Variants in KICS2 observed in about 807,000 individuals in gnomAD.
The protein encoded by KICS2 is KICSTOR complex protein C12orf66.
Under a neutral mutation model 31.4 loss-of-function variants are expected in KICS2, and 13 were observed. The ratio of observed to expected loss-of-function variants is 0.41; its 90% CI spans 0.27 to 0.66. The LOEUF (loss-of-function observed/expected upper bound fraction) is 0.66. KICS2 is among the 30% of genes least tolerant of loss of function. The probability of loss-of-function intolerance (pLI) is 0.28; values close to 1 mark genes in which losing one functional copy is unlikely to be tolerated. For missense variants in KICS2, 455 were observed against 545.4 expected, an observed-to-expected ratio of 0.83 and a Z score of 1.65; for synonymous variants, 209 against 214.8, an observed-to-expected ratio of 0.97 and a Z score of 0.24.
chr12:64,197,376 A>T lies in KICS2; in HGVS notation c.522-2718T>A, dbSNP rs1199978713. Among the ~76,000 whole-genome samples, 9 of 144,662 alleles carry T rather than the reference A, an allele frequency of 6.2e-5. No homozygotes were observed. In the East Asian group the frequency reaches 8.4e-4, roughly 14 times the overall value. 94.9% of individuals were successfully genotyped at this position (144,662 alleles called of 152,430 possible). A position where few individuals can be genotyped will look rare whatever the true frequency, so the allele number is the denominator to read the frequency against. ...AGCTTCATAAGTGAAGGAGAAATAA[A>T]ATACTTTACAGACAAGCAAATGCTG... On this transcript the variant is annotated intron_variant, in intron 2 of 2. Coordinates refer to ENST00000398055, the MANE Select transcript of KICS2 (RefSeq NM_152440.5).
rs1256065778 is a variant in KICS2 at position 64,191,563 on chromosome 12, C to A, written c.*2279G>T. 6.6e-6 allele frequency: 1 copy of A among 151,954 alleles called. No individual in the cohort carries two copies. The highest frequency in any genetic ancestry group is 1.5e-5 in the Non-Finnish European group (1 of 67,998). 9.4% of individuals were successfully genotyped at this position (151,954 alleles called of 1,614,324 possible). ...TAAGAGGAAAAAAATACATGCATAC[C>A]AAGGAATATTTTTCAGTTTCTTGGC... On this transcript the variant is annotated 3_prime_UTR_variant, in exon 3 of 3. Transcript: ENST00000398055.
At position 64,194,503 on chromosome 12, in the gene KICS2, C is replaced by T; in HGVS notation, c.677G>A (p.Trp226Ter). 6.2e-7 allele frequency: 1 copy of T among 1,614,176 alleles called. No homozygotes were observed. The highest frequency in any genetic ancestry group is 8.5e-7 in the Non-Finnish European group (1 of 1,180,034). The change falls in exon 3 of 3, where the codon TGG (tryptophan) becomes TAG (stop). Residue 226 changes from tryptophan to a stop codon, truncating the protein, a stop_gained. Coordinates refer to ENST00000398055, the MANE Select transcript of KICS2 (RefSeq NM_152440.5). LOFTEE classifies it high-confidence loss of function. ...CCGCTGTTTCTCAAAGATCTGGCCC[C>T]ACGTCTGCAGTTTGGTGTGCGCACT... ...LHSAHTKLQT[W>*]GQIFEKQRET...
intron 2 of KICS2, among the ~76,000 whole-genome samples, chr12:64,202,504 T>C (rs935658150): frequency 1.3e-5 from 2 of 151,902 alleles, no homozygotes; most frequent in East Asian, 1.9e-4. Context: ...TTTCTTACTA[T>C]GTACAATGTA....
chr12:64,217,469 GA>G (rs34845366), intron 1 of KICS2, among the ~76,000 whole-genome samples: 352 of 137,866 alleles, frequency 2.6e-3, no homozygotes, highest in African/African-American at 4.7e-3. Flanking sequence ...AGCTGATGAG[GA>G]AAAAAAAAAA....
At chr12:64,189,253 T>C (rs2037361838), downstream of KICS2, among the ~76,000 whole-genome samples, 1 of 152,208 alleles carries the variant, frequency 6.6e-6, no homozygotes, top group African/African-American at 2.4e-5. Context: ...ACTAAATAGT[T>C]GGAGGTGAAT....
At position 64,222,185 on chromosome 12, in the gene KICS2, A is replaced by G; in HGVS notation, c.53T>C (p.Leu18Pro). 2.5e-6 allele frequency: 4 copies of G among 1,614,064 alleles called. No homozygotes were observed. The highest frequency in any genetic ancestry group is 3.4e-6 in the Non-Finnish European group (4 of 1,179,950). ...ACCCAGGTGAGAGAAGAACGTCTCC[A>G]GCACCGCCTGTTCCACCGGGACCGG... ...AAPVPVEQAV[L>P]ETFFSHLGIF... The change falls in exon 1 of 3, where the codon CTG becomes CCG. Residue 18 changes from leucine to proline, a missense_variant. Physicochemically the swap from Leu to Pro is moderately conservative, Grantham distance 98 (BLOSUM62 -3). Coordinates refer to ENST00000398055, the MANE Select transcript of KICS2 (RefSeq NM_152440.5).
chr12:64,211,963 T>C (rs1172334685), intron 2 of KICS2, among the ~76,000 whole-genome samples: 1 of 152,190 alleles, frequency 6.6e-6, no homozygotes, highest in African/African-American at 2.4e-5. Context: ...TTATGTATGG[T>C]TCTTAGAAGA....
In KICS2 at chr12:64,194,464, T is replaced by G; in HGVS notation, c.716A>C (p.His239Pro). Residue 239 changes from histidine (H) to proline (P), a missense_variant, in exon 3 of 3, where the codon CAT (histidine) becomes CCT (proline). By Grantham distance (77) the His-to-Pro change is moderately conservative (BLOSUM62 -2). Transcript: ENST00000398055. ...CTTCTGAGACTGCCCTCCAAACAGA[T>G]GTTTCTTGGTCTCCCGCTGTTTCTC... ...IFEKQRETKK[H>P]LFGGQSQKAV... 6.2e-7 allele frequency: 1 copy of G among 1,614,174 alleles called. No individual in the cohort carries two copies. Among genetic ancestry groups the G allele is most frequent in the Non-Finnish European group, 8.5e-7 (1 of 1,180,032 alleles).
chr12:64,201,628 A>AAAAAAAC (rs2037490768), intron 2 of KICS2, among the ~76,000 whole-genome samples: 1 of 146,006 alleles, frequency 6.8e-6, no homozygotes, highest in Non-Finnish European at 1.5e-5. Context: ...AGAAAAAAAA[A>AAAAAAAC]AAAAACAAAA....
Position 64,193,367 on chromosome 12 carries a change from A to G in KICS2, c.*475T>C, listed in dbSNP as rs79466051. On this transcript the variant is annotated 3_prime_UTR_variant, in exon 3 of 3. Transcript: ENST00000398055. ...TGTAGATCAGAATCATAAATCTACT[A>G]ACTCCATATTCATTTGCTAATTTAT... 1,835 of 985,782 alleles carry G rather than the reference A, an allele frequency of 1.9e-3. 27 individuals carry two copies. The African/African-American group carries it at 0.027, about 14-fold the overall frequency. The allele number at this position is 985,782 out of a possible 1,614,324, so 61.1% of individuals were successfully genotyped here.
intron 2 of KICS2, among the ~76,000 whole-genome samples, chr12:64,215,311 G>A (rs1198108672): frequency 1.3e-5 from 2 of 151,924 alleles, no homozygotes; most frequent in East Asian, 1.9e-4. Flanking sequence ...ACAATAATAC[G>A]TATTTTCATA....
chr12:64,206,321 A>C (rs1183638933), intron 2 of KICS2, among the ~76,000 whole-genome samples: 1 of 152,126 alleles, frequency 6.6e-6, no homozygotes, highest in Non-Finnish European at 1.5e-5. Context: ...GATAAATTTT[A>C]TGTTATGTAT....
intron 2 of KICS2, among the ~76,000 whole-genome samples, chr12:64,210,401 G>A (rs1289588962): frequency 1.3e-5 from 2 of 152,268 alleles, no homozygotes; most frequent in South Asian, 2.1e-4. Flanking sequence ...AATTAAATCC[G>A]CAGGGAAAGG....
chr12:64,196,354 C>A (rs866482228), intron 2 of KICS2, among the ~76,000 whole-genome samples: 27 of 151,702 alleles, frequency 1.8e-4, no homozygotes, highest in African/African-American at 5.6e-4. Context: ...ACACCTCACA[C>A]GGCAGGGTAT....
In KICS2 at chr12:64,194,631, C is replaced by A. The variant is rs779034288; in HGVS notation, c.549G>T (p.Leu183Phe). The change falls in exon 3 of 3, where the codon TTG becomes TTT. Residue 183 changes from leucine to phenylalanine, a missense_variant. Leu to Phe is a conservative substitution (Grantham distance 22). Coordinates refer to ENST00000398055, the MANE Select transcript of KICS2 (RefSeq NM_152440.5). ...SRFHHPILSP[L>F]ESSFQLEVDV... ...CAACTTCCAGCTGGAAACTGCTTTC[C>A]AAAGGACTGAGGATTGGGTGGTGAA... 6.2e-7 allele frequency: 1 copy of A among 1,613,658 alleles called. No individual in the cohort carries two copies. Among genetic ancestry groups the A allele is most frequent in the Non-Finnish European group, 8.5e-7 (1 of 1,179,706 alleles).
chr12:64,198,814 C>A (rs889362940), intron 2 of KICS2, among the ~76,000 whole-genome samples: 1 of 144,714 alleles, frequency 6.9e-6, no homozygotes, highest in Non-Finnish European at 1.5e-5. Context: ...TCAGAGAATA[C>A]TACAAACACC....
intron 2 of KICS2, among the ~76,000 whole-genome samples, chr12:64,211,206 TAATC>T (rs1170287717): frequency 1.3e-5 from 2 of 152,218 alleles, no homozygotes; most frequent in Non-Finnish European, 2.9e-5. Flanking sequence ...GAAAACATAT[TAATC>T]AGATTGGAGG....
At chr12:64,213,554 T>A (rs1018842741) in intron 2 of KICS2, among the ~76,000 whole-genome samples, 5 of 152,208 alleles carry the variant, frequency 3.3e-5, no homozygotes, top group Non-Finnish European at 7.3e-5. Flanking sequence ...AATAGGTATA[T>A]ATAAATATTT....
chr12:64,220,155 G>A (rs2037667021), intron 1 of KICS2, among the ~76,000 whole-genome samples: 2 of 152,154 alleles, frequency 1.3e-5, no homozygotes, highest in Non-Finnish European at 2.9e-5. Flanking sequence ...ACCTAGGAAC[G>A]TAACAGTGCC....
Sources: allele counts gnomAD v4.1 joint callset (sites outside exome capture counted in the v4.1 genomes callset), GRCh38; gene constraint gnomAD v4.1.1; transcripts MANE v1.5; gene names NCBI Gene and HGNC (gene_info 2026-07-23, HGNC 2026-07-21).